The following NDST3 variants were observed in gnomAD, a reference collection of about 807,000 sequenced individuals.
NDST3 encodes the protein bifunctional heparan sulfate N-deacetylase/N-sulfotransferase 3.
In NDST3, 58 loss-of-function variants were observed where a neutral mutation model predicts 96.1. The observed-to-expected ratio is 0.60, with a 90% CI of 0.49 to 0.75. The LOEUF (loss-of-function observed/expected upper bound fraction) is 0.75. NDST3 is among the 30% of genes least tolerant of loss of function. The pLI is 0.00. For synonymous variants in NDST3, 333 were observed against 359.7 expected, an observed-to-expected ratio of 0.93 and a Z score of 0.84; for missense variants, 788 against 1,034.2, an observed-to-expected ratio of 0.76 and a Z score of 3.27.
Position 118,184,602 on chromosome 4 carries a change from T to TCTACACACAC in NDST3, c.1540-39889_1540-39888insCTACACACAC, listed in dbSNP as rs1553941346. On this transcript the variant is annotated intron_variant, in intron 6 of 13. Coordinates refer to ENST00000296499, the MANE Select transcript of NDST3 (RefSeq NM_004784.3). The stretch of plus-strand genomic sequence containing the variant: ...CTCCCTTTGTCTCTCTCTCTCTCTC[T>TCTACACACAC]ACACACACACACACACACACACACA... Among the ~76,000 whole-genome samples the TCTACACACAC allele has an allele frequency of 1.8e-4, 25 of 138,578 alleles. No homozygotes were observed. In the Admixed American group the frequency reaches 1.9e-3, roughly 10 times the overall value. The allele number at this position is 138,578 out of a possible 152,430, so 90.9% of individuals were successfully genotyped here.
At chr4:118,229,183 C>CCCA (rs1740108220) in intron 8 of NDST3, among the ~76,000 whole-genome samples, 1 of 152,162 alleles carries the variant, frequency 6.6e-6, no homozygotes. Flanking sequence ...CACCTGTAGT[C>CCCA]CCAGGTACTC....
intron 4 of NDST3, among the ~76,000 whole-genome samples, chr4:118,120,339 G>T (rs866243662): frequency 3.9e-5 from 6 of 152,130 alleles, no homozygotes; most frequent in Admixed American, 1.3e-4. Context: ...GAGGGAGCAG[G>T]GGGGAAAGGT....
chr4:118,061,766 T>C (rs1725913923), intron 2 of NDST3, among the ~76,000 whole-genome samples: 1 of 152,204 alleles, frequency 6.6e-6, no homozygotes, highest in South Asian at 2.1e-4. Context: ...GCATTCTTTC[T>C]GAAGTATATC....
At chr4:118,069,623 C>T (rs989667370) in intron 2 of NDST3, among the ~76,000 whole-genome samples, 18 of 152,106 alleles carry the variant, frequency 1.2e-4, no homozygotes, top group Non-Finnish European at 2.2e-4. Context: ...TCTCTCTACA[C>T]GCTGGATTTA....
At chr4:118,205,652 T>C (rs1474565427) in intron 6 of NDST3, among the ~76,000 whole-genome samples, 1 of 144,298 alleles carries the variant, frequency 6.9e-6, no homozygotes, top group Non-Finnish European at 1.5e-5. Context: ...GTCAATGTAG[T>C]ACAATGTGAG....
chr4:118,230,274 A>AT (rs1740182481), intron 8 of NDST3, among the ~76,000 whole-genome samples: 1 of 152,132 alleles, frequency 6.6e-6, no homozygotes, highest in African/African-American at 2.4e-5. Context: ...CATCACCAGA[A>AT]AATTTATTAG....
rs1289131007 is a variant in NDST3, at chr4:118,194,459, G to C, written c.1540-30032G>C. On this transcript the variant is annotated intron_variant, in intron 6 of 13. Coordinates refer to ENST00000296499, the MANE Select transcript of NDST3 (RefSeq NM_004784.3). ...GCAGGTGATATGGCACACCTCCCCTGCCTTCATGGCTGCTATGGCAATGTC... is the reference window on the plus strand; with the variant it reads ...GCAGGTGATATGGCACACCTCCCCTCCCTTCATGGCTGCTATGGCAATGTC... 4.1e-6 allele frequency: 3 copies of C among 729,334 alleles called. No individual in the cohort carries two copies. The African/African-American group carries it at 5.2e-5, about 13-fold the overall frequency. 45.2% of individuals were successfully genotyped at this position (729,334 alleles called of 1,614,324 possible).
At chr4:118,120,906 T>C (rs1457638801) in intron 4 of NDST3, among the ~76,000 whole-genome samples, 1 of 152,224 alleles carries the variant, frequency 6.6e-6, no homozygotes, top group African/African-American at 2.4e-5. Context: ...TTACTTCTAT[T>C]AATGTAGCCA....
At position 118,054,686 on chromosome 4, in the gene NDST3, A is replaced by C; in HGVS notation, c.776A>C (p.His259Pro). Residue 259 changes from histidine (H) to proline (P), a missense_variant, in exon 2 of 14, where the codon CAT becomes CCT. Coordinates refer to ENST00000296499, the MANE Select transcript of NDST3 (RefSeq NM_004784.3). Reference sequence around the variant, plus strand: ...GGTGCTTTTTATGCCACTATTATACATGACCTGGGGCTTCATGATGGAATT... The same window carrying C: ...GGTGCTTTTTATGCCACTATTATACCTGACCTGGGGCTTCATGATGGAATT... ...SKGAFYATIIHDLGLHDGIQR... is the reference protein window; with the variant it reads ...SKGAFYATIIPDLGLHDGIQR... 5.6e-6 allele frequency: 9 copies of C among 1,613,372 alleles called. No individual in the cohort carries two copies. Among genetic ancestry groups the C allele is most frequent in the Non-Finnish European group, 7.6e-6 (9 of 1,179,508 alleles).
chr4:118,076,015 T>C (rs1293136894), intron 2 of NDST3, among the ~76,000 whole-genome samples: 1 of 152,170 alleles, frequency 6.6e-6, no homozygotes. Context: ...TCCCTTAGTA[T>C]TTGTTTGTTT....
chr4:118,177,753 C>T (rs1451847156), intron 6 of NDST3, among the ~76,000 whole-genome samples: 1 of 151,860 alleles, frequency 6.6e-6, no homozygotes, highest in Non-Finnish European at 1.5e-5. Context: ...AACACAAGTG[C>T]TGCTGGGATT....
intron 3 of NDST3, among the ~76,000 whole-genome samples, chr4:118,114,568 C>T (rs1430263148): frequency 1.3e-5 from 2 of 152,128 alleles, no homozygotes; most frequent in Non-Finnish European, 1.5e-5. Flanking sequence ...TTCCATCTTG[C>T]AGTGATTTCA....
intron 2 of NDST3, among the ~76,000 whole-genome samples, chr4:118,086,613 A>C (rs1384348500): frequency 1.3e-5 from 2 of 152,144 alleles, no homozygotes; most frequent in African/African-American, 2.4e-5. Context: ...TCAAAGTAAA[A>C]GTCATTCTTG....
chr4:118,073,705 T>C (rs563749870), intron 2 of NDST3, among the ~76,000 whole-genome samples: 3 of 152,194 alleles, frequency 2.0e-5, no homozygotes, highest in South Asian at 4.1e-4. Flanking sequence ...TGCTTTTTTA[T>C]GTCTCAATTT....
At chr4:118,046,275 A>G (rs1449039439) in intron 1 of NDST3, among the ~76,000 whole-genome samples, 1 of 152,158 alleles carries the variant, frequency 6.6e-6, no homozygotes, top group African/African-American at 2.4e-5. Flanking sequence ...TGGACACTTG[A>G]TCTGACAAGG....
intron 4 of NDST3, among the ~76,000 whole-genome samples, chr4:118,134,450 A>T (rs1732904842): frequency 1.3e-5 from 2 of 152,218 alleles, no homozygotes; most frequent in African/African-American, 4.8e-5. Context: ...ATGCGATTCT[A>T]TGCCAAAAGG....
Position 118,201,166 on chromosome 4 carries a change from T to C in NDST3, c.1540-23325T>C, listed in dbSNP as rs115398458. On this transcript the variant is annotated intron_variant, in intron 6 of 13. Coordinates refer to ENST00000296499, the MANE Select transcript of NDST3 (RefSeq NM_004784.3). The stretch of plus-strand genomic sequence containing the variant: ...TTCCGTGGTGTGTATATACAGCATT[T>C]TCTTTATTCAATCCACCACTGATGG... 5.4e-3 allele frequency among the ~76,000 whole-genome samples: 815 copies of C among 152,320 alleles called. 14 individuals carry two copies. The highest frequency in any genetic ancestry group is 0.019 in the African/African-American group (772 of 41,556).
At chr4:118,045,550 C>G (rs1262978099) in intron 1 of NDST3, among the ~76,000 whole-genome samples, 1 of 152,044 alleles carries the variant, frequency 6.6e-6, no homozygotes, top group Non-Finnish European at 1.5e-5. Flanking sequence ...AGATAAATAA[C>G]ACATTTATCC....
chr4:118,149,760 C>G (rs1734244663), intron 6 of NDST3, among the ~76,000 whole-genome samples: 2 of 151,480 alleles, frequency 1.3e-5, no homozygotes, highest in Admixed American at 1.3e-4. Context: ...CTTCTCCTGC[C>G]TAATTGCCCT....
Sources: allele counts gnomAD v4.1 joint callset (sites outside exome capture counted in the v4.1 genomes callset), GRCh38; gene constraint gnomAD v4.1.1; transcripts MANE v1.5; gene names NCBI Gene and HGNC (gene_info 2026-07-23, HGNC 2026-07-21).